The following STK33 variants were observed in gnomAD, a reference collection of about 807,000 sequenced individuals.
STK33 encodes serine/threonine kinase 33, also known as serine/threonine-protein kinase 33.
A neutral mutation model predicts 58.0 loss-of-function variants in STK33; 52 were observed. The ratio of observed to expected loss-of-function variants is 0.90; its 90% CI spans 0.72 to 1.13. STK33 has a LOEUF of 1.13. Among genes scored for constraint, STK33 ranks in the 50% most tolerant of loss-of-function variants. The pLI is 0.00. For missense variants in STK33, 630 were observed against 604.2 expected (o/e 1.04, Z -0.45); for synonymous variants, 215 against 200.1 (o/e 1.07, Z -0.63).
chr11:8,577,077 G>A (rs1263538935), intron 1 of STK33, among the ~76,000 whole-genome samples: 1 of 152,092 alleles, frequency 6.6e-6, no homozygotes, highest in African/African-American at 2.4e-5. Flanking sequence ...AGAAAATTTG[G>A]GAGGATAGGA....
the STK33 span, among the ~76,000 whole-genome samples, chr11:8,336,115 G>A: frequency 7.2e-5 from 11 of 152,250 alleles, no homozygotes; most frequent in Non-Finnish European, 1.6e-4. Flanking sequence ...CCCTGGGCTG[G>A]TGCTTGAGGC....
intron 1 of STK33, among the ~76,000 whole-genome samples, chr11:8,568,281 T>G (rs1307253448): frequency 1.3e-5 from 2 of 152,204 alleles, no homozygotes; most frequent in Non-Finnish European, 2.9e-5. Context: ...AATGTAAACA[T>G]GAACTCATTA....
At position 8,474,679 on chromosome 11, in the gene STK33, A is replaced by G. The variant is rs1035508237; in HGVS notation, c.225+2T>C. 1.4e-5 allele frequency: 22 copies of G among 1,598,242 alleles called. No homozygotes were observed. The highest frequency in any genetic ancestry group is 6.7e-5 in the East Asian group (3 of 44,738). On this transcript the variant is annotated splice_donor_variant, in intron 5 of 15. Transcript: ENST00000687296. LOFTEE classifies it high-confidence loss of function. The stretch of plus-strand genomic sequence containing the variant: ...CTTAGATGTGGAATCTTTGATATTT[A>G]CCAAATCTTTCCTGGAGGTTATATC...
At chr11:8,471,730 T>C (rs1243943060) in intron 6 of STK33, among the ~76,000 whole-genome samples, 1 of 152,132 alleles carries the variant, frequency 6.6e-6, no homozygotes, top group Non-Finnish European at 1.5e-5. Flanking sequence ...AAATATCCTC[T>C]AATTTAAAAC....
intron 1 of STK33, among the ~76,000 whole-genome samples, chr11:8,550,136 T>C (rs1956208446): frequency 6.6e-6 from 1 of 152,312 alleles, no homozygotes; most frequent in East Asian, 1.9e-4. Context: ...GAACAAACAA[T>C]TATTGTAACA....
chr11:8,489,791 G>C (rs1046701724), intron 1 of STK33, among the ~76,000 whole-genome samples: 1 of 152,082 alleles, frequency 6.6e-6, no homozygotes, highest in Admixed American at 6.6e-5. Flanking sequence ...AGCAATTCTG[G>C]AGTTAAAAAG....
chr11:8,540,048 C>T (rs1955383245), intron 1 of STK33, among the ~76,000 whole-genome samples: 3 of 152,088 alleles, frequency 2.0e-5, no homozygotes, highest in Admixed American at 2.0e-4. Flanking sequence ...CCCAGCAATC[C>T]CTCTTCTGGG....
intron 15 of STK33, among the ~76,000 whole-genome samples, chr11:8,393,092 T>A (rs1848799120): frequency 6.6e-6 from 1 of 152,210 alleles, no homozygotes; most frequent in African/African-American, 2.4e-5. Context: ...TACAATATAA[T>A]TATTCTTTCT....
the STK33 span, among the ~76,000 whole-genome samples, chr11:8,337,225 C>G: frequency 1.3e-5 from 2 of 152,346 alleles, no homozygotes; most frequent in East Asian, 3.9e-4. Flanking sequence ...AAATTACCGT[C>G]CTCTTCAGAC....
chr11:8,407,190 C>T (rs890675847), intron 15 of STK33, among the ~76,000 whole-genome samples: 7 of 152,018 alleles, frequency 4.6e-5, no homozygotes, highest in African/African-American at 1.7e-4. Context: ...TCCTGGAATA[C>T]ACTGCAAACA....
chr11:8,513,912 T>C (rs934010311), intron 1 of STK33, among the ~76,000 whole-genome samples: 1 of 152,158 alleles, frequency 6.6e-6, no homozygotes, highest in Non-Finnish European at 1.5e-5. Context: ...GAGTTCTTAT[T>C]CATTCTATTT....
the STK33 span, among the ~76,000 whole-genome samples, chr11:8,385,908 G>A: frequency 6.6e-6 from 1 of 152,022 alleles, no homozygotes; most frequent in Non-Finnish European, 1.5e-5. Flanking sequence ...CCGAGTAGCT[G>A]GGACTACAGG....
chr11:8,559,268 A>T (rs949118308), intron 1 of STK33, among the ~76,000 whole-genome samples: 1 of 152,210 alleles, frequency 6.6e-6, no homozygotes, highest in Non-Finnish European at 1.5e-5. Flanking sequence ...TTCAGCAGCC[A>T]TATTATGACA....
At chr11:8,556,085 G>A (rs1292523396) in intron 1 of STK33, among the ~76,000 whole-genome samples, 1 of 152,130 alleles carries the variant, frequency 6.6e-6, no homozygotes, top group East Asian at 1.9e-4. Context: ...AAGCACCCAC[G>A]ATCATCCAGA....
At chr11:8,566,067 A>T (rs75226551) in intron 1 of STK33, among the ~76,000 whole-genome samples, 10,031 of 152,272 alleles carry the variant, frequency 0.066, 376 homozygotes, top group Non-Finnish European at 0.076. Flanking sequence ...CATATAAATA[A>T]CATCATTGGT....
intron 15 of STK33, among the ~76,000 whole-genome samples, chr11:8,408,714 T>C (rs1939692530): frequency 6.6e-6 from 1 of 152,158 alleles, no homozygotes; most frequent in Non-Finnish European, 1.5e-5. Flanking sequence ...GGACTTGACA[T>C]TTATATTCGT....
intron 1 of STK33, among the ~76,000 whole-genome samples, chr11:8,560,588 CT>C (rs916413783): frequency 1.3e-5 from 2 of 151,982 alleles, no homozygotes; most frequent in African/African-American, 4.8e-5. Context: ...TTAATCTTTT[CT>C]TTTGTGGTCA....
rs531138966 is a variant in STK33, at chr11:8,585,472, G to A, written c.-466+8611C>T. ...ACTCCTGACTTCAGGTGATCCACCC[G>A]CCTCAGCCTCCCAAAGTGCTGGGAT... On this transcript the variant is annotated intron_variant, in intron 1 of 15. Transcript: ENST00000687296. Among the ~76,000 whole-genome samples the A allele has an allele frequency of 1.3e-4, 19 of 151,602 alleles. No individual in the cohort carries two copies. The East Asian group carries it at 2.6e-3, about 20-fold the overall frequency.
intron 1 of STK33, among the ~76,000 whole-genome samples, chr11:8,561,422 C>T (rs994707616): frequency 9.2e-5 from 14 of 152,134 alleles, no homozygotes; most frequent in Admixed American, 5.2e-4. Flanking sequence ...TTCCCCCTTT[C>T]GGTGACTTGC....
Sources: gnomAD v4.1 joint callset for allele counts (sites outside exome capture counted in the v4.1 genomes callset) on GRCh38, gnomAD v4.1.1 for gene constraint, MANE v1.5 for transcripts, NCBI Gene and HGNC (gene_info 2026-07-23, HGNC 2026-07-21) for gene names.